The following NUP107 variants were observed in gnomAD, a reference collection of about 807,000 sequenced individuals.
The protein encoded by NUP107 is nucleoporin 107, also known as nuclear pore complex protein Nup107.
Under a neutral mutation model 141.0 loss-of-function variants are expected in NUP107, and 101 were observed. The ratio of observed to expected loss-of-function variants is 0.72; its 90% CI spans 0.61 to 0.84. The LOEUF is 0.84. Ranked by LOEUF, NUP107 falls within the 40% of genes least tolerant of loss-of-function variation. The pLI, the probability that NUP107 is intolerant of heterozygous loss-of-function variation, is 0.00. For missense variants in NUP107, 941 were observed against 1,102.7 expected, an observed-to-expected ratio of 0.85 and a Z score of 2.08; for synonymous variants, 319 against 363.9, an observed-to-expected ratio of 0.88 and a Z score of 1.41.
Position 68,692,533 on chromosome 12 carries a change from C to T in NUP107, c.448+421C>T, listed in dbSNP as rs150883106. Among the ~76,000 whole-genome samples the T allele has an allele frequency of 1.6e-3, 239 of 151,034 alleles. 1 individual carries two copies. The highest frequency in any genetic ancestry group is 5.0e-3 in the African/African-American group (205 of 41,086). ...GGCAGAGTTTGCAGTGAGCTGAGAT[C>T]GCACCATTGCACTCCAGCCTGGGCT... On this transcript the variant is annotated intron_variant, in intron 5 of 27. Transcript: ENST00000229179.
intron 26 of NUP107, among the ~76,000 whole-genome samples, chr12:68,739,112 T>A (rs193291422): frequency 6.6e-6 from 1 of 152,276 alleles, no homozygotes; most frequent in Admixed American, 6.5e-5. Flanking sequence ...TGTACTTCTT[T>A]CAGCAGCTGC....
chr12:68,706,669 A>C, intron 8 of NUP107: 1 of 730,196 alleles, frequency 1.4e-6, no homozygotes, highest in East Asian at 2.6e-5. Context: ...CTGGCAGTTA[A>C]GGATGCCAAC....
Position 68,689,620 on chromosome 12 carries a change from G to A in NUP107, c.187+1G>A, listed in dbSNP as rs746501805. 3 of 1,604,226 alleles carry A rather than the reference G, an allele frequency of 1.9e-6. No individual in the cohort carries two copies. The highest frequency in any genetic ancestry group is 1.3e-5 in the African/African-American group (1 of 74,410). On this transcript the variant is annotated splice_donor_variant, in intron 3 of 27. Transcript: ENST00000229179. LOFTEE classifies it high-confidence loss of function. ...ACTCCTAGCTCATTTCGACAGCCTT[G>A]TAAGATTTTTTGCTTTTAAAGCATT...
chr12:68,711,073 G>A lies in NUP107; in HGVS notation c.890+980G>A, dbSNP rs866427136. Among the ~76,000 whole-genome samples the A allele has an allele frequency of 1.3e-5, 2 of 151,864 alleles. 1 individual carries two copies. The highest frequency in any genetic ancestry group is 4.2e-4 in the South Asian group (2 of 4,810). On this transcript the variant is annotated intron_variant, in intron 10 of 27. Transcript: ENST00000229179. ...AGATCAAGACCATCCTGGCTAATGC[G>A]GTAAAACCCATCTCTACTAAAAATA...
rs368570194 is a variant in NUP107, at chr12:68,742,473, G to A, written c.*11G>A. The A allele has an allele frequency of 1.3e-4, 171 of 1,340,888 alleles. No individual in the cohort carries two copies. The highest frequency in any genetic ancestry group is 7.4e-4 in the Middle Eastern group (4 of 5,380). The allele number at this position is 1,340,888 out of a possible 1,614,324, so 83.1% of individuals were successfully genotyped here. ...GAAATTCAGTTATAGTTTAATCTTT[G>A]TAATCTCACTAATTTTCATGATAAA... On this transcript the variant is annotated 3_prime_UTR_variant, in exon 28 of 28. Coordinates refer to ENST00000229179, the MANE Select transcript of NUP107 (RefSeq NM_020401.4).
intron 15 of NUP107, 35 bp from the exon 16 acceptor site, chr12:68,721,806 T>C (rs1877361522): frequency 3.1e-6 from 5 of 1,592,018 alleles, no homozygotes; most frequent in Admixed American, 1.8e-5. Flanking sequence ...CTGTTGAATA[T>C]GTCTATATGT....
At chr12:68,714,014 T>C (rs1592507174) in intron 11 of NUP107, 1 of 521,138 alleles carries the variant, frequency 1.9e-6, no homozygotes, top group African/African-American at 2.0e-5. Context: ...TAATAAGTTG[T>C]GGAAAGTATA....
rs1182741313 is a variant in NUP107, at chr12:68,716,217, TTTTC to T, written c.1083+505_1083+508del. Among the ~76,000 whole-genome samples, 228 of 136,766 alleles carry T rather than the reference TTTTC, an allele frequency of 1.7e-3. 6 individuals carry two copies. The highest frequency in any genetic ancestry group is 7.9e-3 in the Middle Eastern group (2 of 254). The allele number at this position is 136,766 out of a possible 152,430, so 89.7% of individuals were successfully genotyped here. On this transcript the variant is annotated intron_variant, in intron 12 of 27. Transcript: ENST00000229179. ...CAATCTCCATTCATTTTTTTTTCCT[TTTTC>T]TTTCTTTCTTTCTTTCTTTCTTTCT...
chr12:68,713,417 G>A (rs1046686170), intron 10 of NUP107, among the ~76,000 whole-genome samples: 23 of 150,364 alleles, frequency 1.5e-4, no homozygotes, highest in African/African-American at 4.4e-4. Flanking sequence ...AAATAAATGG[G>A]AGCAAGCCAC....
Position 68,716,018 on chromosome 12 carries a change from C to T in NUP107, c.1083+278C>T, listed in dbSNP as rs186121395. Among the ~76,000 whole-genome samples the T allele has an allele frequency of 3.3e-5, 5 of 151,948 alleles. No homozygotes were observed. The South Asian group carries it at 6.2e-4, about 19-fold the overall frequency. On this transcript the variant is annotated intron_variant, in intron 12 of 27. Transcript: ENST00000229179. ...TGCACTGCATACTCTAGGTATATCC[C>T]CATTATTTATTTTTTTGTTCCGTTT...
intron 5 of NUP107, among the ~76,000 whole-genome samples, chr12:68,692,895 G>A (rs1212522713): frequency 1.3e-5 from 2 of 151,172 alleles, no homozygotes; most frequent in Non-Finnish European, 2.9e-5. Context: ...GATTATAGGC[G>A]TCTGCTACCA....
Position 68,741,231 on chromosome 12 carries a change from A to G in NUP107, c.2503-582A>G, listed in dbSNP as rs537999329. On this transcript the variant is annotated intron_variant, in intron 26 of 27. Transcript: ENST00000229179. ...AGAAAGATCCATGTATGTATAAAGG[A>G]ATGCCAATTGTTTTTTCTGCTTGTT... Among the ~76,000 whole-genome samples the G allele has an allele frequency of 1.3e-3, 201 of 152,200 alleles. 1 individual carries two copies. The highest frequency in any genetic ancestry group is 1.5e-3 in the Non-Finnish European group (101 of 68,026).
Position 68,700,819 on chromosome 12 carries a change from ATGGTCACATGGAGGC to A in NUP107, c.649_663del (p.Val217_Leu221del). On this transcript the variant is annotated inframe_deletion, in exon 7 of 28. Coordinates refer to ENST00000229179, the MANE Select transcript of NUP107 (RefSeq NM_020401.4). Reference sequence around the variant, plus strand: ...TATGCTCTGGCTTCTTCAACAGGAGATGGTCACATGGAGGCTGCTGGCTTCTTTGTATAGGTAATG... The same window carrying A: ...TATGCTCTGGCTTCTTCAACAGGAGATGCTGGCTTCTTTGTATAGGTAATG... The A allele has an allele frequency of 6.2e-7, 1 of 1,607,010 alleles. No homozygotes were observed. Among genetic ancestry groups the A allele is most frequent in the South Asian group, 1.1e-5 (1 of 89,414 alleles).
At position 68,744,850 on chromosome 12, in the gene NUP107, CT is replaced by C. The variant is rs1194591079; in HGVS notation, c.*2390del. ...CACCTGAGTGGGAAATTTCAGGCAA[CT>C]TAATTTAGTTCCTCAGTGCCTACTC... On this transcript the variant is annotated 3_prime_UTR_variant, in exon 28 of 28. Coordinates refer to ENST00000229179, the MANE Select transcript of NUP107 (RefSeq NM_020401.4). The C allele has an allele frequency of 2.0e-5, 3 of 152,210 alleles. No individual in the cohort carries two copies. The highest frequency in any genetic ancestry group is 4.4e-5 in the Non-Finnish European group (3 of 68,044). The allele number at this position is 152,210 out of a possible 1,614,324, so 9.4% of individuals were successfully genotyped here. A position where few individuals can be genotyped will look rare whatever the true frequency, so the allele number is the denominator to read the frequency against.
At chr12:68,733,019 G>C (rs1404903134) in intron 23 of NUP107, among the ~76,000 whole-genome samples, 1 of 152,042 alleles carries the variant, frequency 6.6e-6, no homozygotes, top group Non-Finnish European at 1.5e-5. Context: ...GTTCAAATTC[G>C]TGTATTTTTG....
At chr12:68,723,335 G>A (rs1386171445) in intron 17 of NUP107, among the ~76,000 whole-genome samples, 1 of 152,094 alleles carries the variant, frequency 6.6e-6, no homozygotes, top group African/African-American at 2.4e-5. Flanking sequence ...CCAGGAGGTC[G>A]TGGCTTCAGT....
At chr12:68,730,901 C>T (rs1245336803) in intron 20 of NUP107, among the ~76,000 whole-genome samples, 1 of 152,132 alleles carries the variant, frequency 6.6e-6, no homozygotes, top group Non-Finnish European at 1.5e-5. Context: ...GCCCAGGAGA[C>T]AGGTTGCAGT....
At chr12:68,742,308 G>C (rs753395979) in intron 27 of NUP107, 47 bp from the exon 28 acceptor site, 5 of 1,214,144 alleles carry the variant, frequency 4.1e-6, no homozygotes, top group Non-Finnish European at 6.1e-6. Flanking sequence ...GTTCATACTT[G>C]TCTACTTGTC....
chr12:68,743,062 T>C lies in NUP107; in HGVS notation c.*600T>C, dbSNP rs1009315887. On this transcript the variant is annotated 3_prime_UTR_variant, in exon 28 of 28. Transcript: ENST00000229179. ...GAGATTACAGATCCCGCTCTTCTAA[T>C]AGGGGAAATACCATAAGTACATTTA... 6.6e-6 allele frequency: 1 copy of C among 152,228 alleles called. No individual in the cohort carries two copies. Among genetic ancestry groups the C allele is most frequent in the Non-Finnish European group, 1.5e-5 (1 of 68,076 alleles). The allele number at this position is 152,228 out of a possible 1,614,324, so 9.4% of individuals were successfully genotyped here. A position where few individuals can be genotyped will look rare whatever the true frequency, so the allele number is the denominator to read the frequency against.
Sources: allele counts gnomAD v4.1 joint callset (sites outside exome capture counted in the v4.1 genomes callset), GRCh38; gene constraint gnomAD v4.1.1; transcripts MANE v1.5; gene names NCBI Gene and HGNC (gene_info 2026-07-23, HGNC 2026-07-21).